Variants in SLF1 observed in about 807,000 individuals in gnomAD.
SLF1 encodes the protein SMC5-SMC6 complex localization factor protein 1.
In SLF1, 105 loss-of-function variants were observed where a neutral mutation model predicts 123.0. The ratio of observed to expected loss-of-function variants is 0.85; its 90% CI spans 0.73 to 1.00. The LOEUF is 1.00. Ranked by LOEUF, SLF1 falls within the 50% of genes least tolerant of loss-of-function variation. The probability of loss-of-function intolerance (pLI) is 0.00; values close to 1 mark genes in which losing one functional copy is unlikely to be tolerated. For synonymous variants in SLF1, 434 were observed against 406.6 expected (o/e 1.07, Z -0.81); for missense variants, 1,239 against 1,223.0 (o/e 1.01, Z -0.20).
chr5:94,647,756 G>A (rs1747226337), intron 5 of SLF1, among the ~76,000 whole-genome samples: 1 of 108,900 alleles, frequency 9.2e-6, no homozygotes, highest in Admixed American at 8.8e-5. Flanking sequence ...AGTATTAGTG[G>A]CTTAGAGAAA....
At position 94,655,024 on chromosome 5, in the gene SLF1, C is replaced by T. The variant is rs750795305; in HGVS notation, c.1155+272C>T. 3.4e-4 allele frequency among the ~76,000 whole-genome samples: 51 copies of T among 152,222 alleles called. 1 individual carries two copies. The highest frequency in any genetic ancestry group is 5.0e-4 in the Non-Finnish European group (34 of 67,998). ...AAATTCTTTGCCTACATCAATGCCC[C>T]GAAGTGTTTCCCCTGTGTTTTCTTC... On this transcript the variant is annotated intron_variant, in intron 9 of 20. Coordinates refer to ENST00000265140, the MANE Select transcript of SLF1 (RefSeq NM_032290.4).
intron 1 of SLF1, among the ~76,000 whole-genome samples, chr5:94,628,220 A>G (rs1744796717): frequency 6.6e-6 from 1 of 152,112 alleles, no homozygotes; most frequent in African/African-American, 2.4e-5. Context: ...ATCTTGGCTC[A>G]CTGCAACCAC....
chr5:94,651,082 A>G (rs1585150340), intron 6 of SLF1, among the ~76,000 whole-genome samples: 1 of 152,304 alleles, frequency 6.6e-6, no homozygotes, highest in East Asian at 1.9e-4. Context: ...TTTTTACTGT[A>G]TCCTTTCTAT....
intron 4 of SLF1, among the ~76,000 whole-genome samples, chr5:94,634,272 A>C (rs904551709): frequency 6.6e-6 from 1 of 152,030 alleles, no homozygotes; most frequent in Non-Finnish European, 1.5e-5. Flanking sequence ...CTATTACCTC[A>C]AACACTTGTC....
At chr5:94,667,484 C>A (rs139918966) in intron 12 of SLF1, among the ~76,000 whole-genome samples, 1 of 152,038 alleles carries the variant, frequency 6.6e-6, no homozygotes, top group African/African-American at 2.4e-5. Context: ...ATTTTTCTTC[C>A]AAAGTACCCC....
intron 4 of SLF1, among the ~76,000 whole-genome samples, chr5:94,631,486 G>A (rs867770892): frequency 6.6e-6 from 1 of 152,012 alleles, no homozygotes; most frequent in East Asian, 1.9e-4. Context: ...CTTTTTAAGA[G>A]GTCCTTATGA....
intron 1 of SLF1, among the ~76,000 whole-genome samples, chr5:94,619,351 A>C (rs1791411455): frequency 6.6e-6 from 1 of 151,992 alleles, no homozygotes; most frequent in Non-Finnish European, 1.5e-5. Flanking sequence ...GCCTTTAAAC[A>C]CAAACATACA....
At chr5:94,681,486 C>CT (rs1330358732) in intron 15 of SLF1, among the ~76,000 whole-genome samples, 1 of 152,190 alleles carries the variant, frequency 6.6e-6, no homozygotes, top group Admixed American at 6.5e-5. Flanking sequence ...TTTCTATTTT[C>CT]TTTTTTATTT....
At chr5:94,679,558 C>T (rs1174503567) in intron 15 of SLF1, among the ~76,000 whole-genome samples, 2 of 151,970 alleles carry the variant, frequency 1.3e-5, no homozygotes, top group East Asian at 3.8e-4. Context: ...TGCCACTGCA[C>T]TCCAGCCTGG....
intron 15 of SLF1, among the ~76,000 whole-genome samples, chr5:94,681,444 A>G (rs568937267): frequency 6.6e-6 from 1 of 152,272 alleles, no homozygotes; most frequent in African/African-American, 2.4e-5. Context: ...AGTTTTAAAC[A>G]TGTATTTCTA....
chr5:94,677,643 C>G (rs1173263870), intron 14 of SLF1, among the ~76,000 whole-genome samples: 1 of 151,762 alleles, frequency 6.6e-6, no homozygotes, highest in Non-Finnish European at 1.5e-5. Flanking sequence ...ATTTTTTTTC[C>G]TACATATCCA....
intron 1 of SLF1, among the ~76,000 whole-genome samples, chr5:94,626,359 T>G (rs1287713167): frequency 6.6e-6 from 1 of 152,186 alleles, no homozygotes; most frequent in Middle Eastern, 3.2e-3. Flanking sequence ...TATGATTAAT[T>G]TTTCATAAGA....
intron 1 of SLF1, among the ~76,000 whole-genome samples, chr5:94,624,263 A>G (rs925941560): frequency 6.6e-6 from 1 of 152,126 alleles, no homozygotes; most frequent in African/African-American, 2.4e-5. Context: ...CTTCAGTTTC[A>G]TATTTAATCA....
chr5:94,628,891 T>G lies in SLF1; in HGVS notation c.81T>G (p.Leu27=). The G allele has an allele frequency of 6.5e-7, 1 of 1,549,310 alleles. No homozygotes were observed. The highest frequency in any genetic ancestry group is 8.7e-7 in the Non-Finnish European group (1 of 1,145,966). ...MEEKEALVKL[L]LKLDCTFIKS... is the part of the protein sequence containing the mutation. ...AAAAAGAAGCGCTAGTCAAATTACT[T>G]TTAAAACTAGATTGCACTTTTATTA... The change falls in exon 2 of 21, where the codon CTT becomes CTG. Residue 27 remains leucine, a synonymous_variant. Transcript: ENST00000265140.
chr5:94,641,329 T>C (rs1191122205), intron 4 of SLF1, among the ~76,000 whole-genome samples: 1 of 140,474 alleles, frequency 7.1e-6, no homozygotes, highest in Non-Finnish European at 1.6e-5. Flanking sequence ...ATGGTCTCTC[T>C]TGCTCTTCTG....
At chr5:94,657,545 G>A (rs1247923002) in intron 9 of SLF1, among the ~76,000 whole-genome samples, 1 of 152,016 alleles carries the variant, frequency 6.6e-6, no homozygotes, top group African/African-American at 2.4e-5. Flanking sequence ...CTAAATGTCT[G>A]TTAGGTTCAT....
intron 1 of SLF1, among the ~76,000 whole-genome samples, chr5:94,624,419 T>A (rs986265243): frequency 2.0e-5 from 3 of 152,196 alleles, no homozygotes; most frequent in African/African-American, 7.2e-5. Flanking sequence ...CATATTTATT[T>A]TATTATAAAG....
chr5:94,695,188 T>C lies in SLF1; in HGVS notation c.3053T>C (p.Leu1018Ser). 6.2e-7 allele frequency: 1 copy of C among 1,612,830 alleles called. No individual in the cohort carries two copies. Among genetic ancestry groups the C allele is most frequent in the Non-Finnish European group, 8.5e-7 (1 of 1,179,076 alleles). ...CTTTATGCTGGAAATATAAAGACAT[T>C]GCAGAAACTCCCACACATTCTTAAG... Reference protein sequence around the residue: ...LDLYAGNIKTLQKLPHILKEL... With the variant: ...LDLYAGNIKTSQKLPHILKEL... The change falls in exon 21 of 21, where the codon TTG becomes TCG. Residue 1018 changes from leucine to serine, a missense_variant. Transcript: ENST00000265140.
At chr5:94,631,764 C>T (rs887846370) in intron 4 of SLF1, among the ~76,000 whole-genome samples, 3 of 152,014 alleles carry the variant, frequency 2.0e-5, no homozygotes, top group African/African-American at 7.2e-5. Context: ...GGAAATATCT[C>T]GGAATGAATG....
Sources: allele counts gnomAD v4.1 joint callset (sites outside exome capture counted in the v4.1 genomes callset), GRCh38; gene constraint gnomAD v4.1.1; transcripts MANE v1.5; gene names NCBI Gene and HGNC (gene_info 2026-07-23, HGNC 2026-07-21).